FAM222A: variants seen among roughly 807,000 people sequenced by gnomAD.
FAM222A encodes family with sequence similarity 222 member A, also known as protein FAM222A.
Under a neutral mutation model 25.8 loss-of-function variants are expected in FAM222A, and 7 were observed. That is an observed-to-expected ratio of 0.27 (90% confidence interval 0.15 to 0.51). The LOEUF (loss-of-function observed/expected upper bound fraction) is 0.51, where lower values mean the gene tolerates loss of function less well. FAM222A is among the 20% of genes least tolerant of loss of function. The probability of loss-of-function intolerance (pLI) is 0.97; values close to 1 mark genes in which losing one functional copy is unlikely to be tolerated. For synonymous variants in FAM222A, 294 were observed against 298.8 expected, an observed-to-expected ratio of 0.98 and a Z score of 0.17; for missense variants, 573 against 640.5, an observed-to-expected ratio of 0.89 and a Z score of 1.14.
chr12:109,760,371 C>T (rs1888858883), intron 2 of FAM222A, among the ~76,000 whole-genome samples: 1 of 152,172 alleles, frequency 6.6e-6, no homozygotes, highest in Non-Finnish European at 1.5e-5. Flanking sequence ...AAAGAGGGCA[C>T]ATCAGTGTGA....
chr12:109,768,458 A>G lies in FAM222A; in HGVS notation c.529A>G (p.Thr177Ala). Residue 177 changes from threonine to alanine, a missense_variant, in exon 3 of 3, where the codon ACT (threonine) becomes GCT (alanine). Physicochemically the swap from Thr to Ala is moderately conservative, Grantham distance 58 (BLOSUM62 0). Coordinates refer to ENST00000538780, the MANE Select transcript of FAM222A (RefSeq NM_032829.3). ...APPPGLPAAA[T>A]AASVIPLPGR... ...ACCACCCGGCCTGCCCGCAGCCGCCACTGCCGCCTCCGTCATCCCCCTGCC... is the reference window on the plus strand; with the variant it reads ...ACCACCCGGCCTGCCCGCAGCCGCCGCTGCCGCCTCCGTCATCCCCCTGCC... The G allele has an allele frequency of 6.2e-7, 1 of 1,601,784 alleles. No individual in the cohort carries two copies. Among genetic ancestry groups the G allele is most frequent in the South Asian group, 1.1e-5 (1 of 90,946 alleles).
At chr12:109,727,326 A>C (rs1887862059) in intron 1 of FAM222A, among the ~76,000 whole-genome samples, 1 of 151,008 alleles carries the variant, frequency 6.6e-6, no homozygotes, top group Non-Finnish European at 1.5e-5. Context: ...TCGGAGGGGG[A>C]GGGGGTGCTG....
chr12:109,724,918 G>A (rs1232137385), intron 1 of FAM222A, among the ~76,000 whole-genome samples: 1 of 152,148 alleles, frequency 6.6e-6, no homozygotes, highest in Non-Finnish European at 1.5e-5. Context: ...CAGGCACTTG[G>A]CTTGCCAGGA....
At chr12:109,751,994 T>C (rs936588415) in intron 2 of FAM222A, among the ~76,000 whole-genome samples, 1 of 152,250 alleles carries the variant, frequency 6.6e-6, no homozygotes, top group Admixed American at 6.5e-5. Context: ...TTCTAGTCTC[T>C]CACTATTCTA....
At chr12:109,723,002 T>TGC (rs1887776266) in intron 1 of FAM222A, among the ~76,000 whole-genome samples, 1 of 61,818 alleles carries the variant, frequency 1.6e-5, no homozygotes, top group South Asian at 5.3e-4. Context: ...AGGGAGCGGG[T>TGC]GGGGGGGGGA....
intron 2 of FAM222A, among the ~76,000 whole-genome samples, chr12:109,758,931 G>T (rs1888810325): frequency 6.6e-6 from 1 of 152,202 alleles, no homozygotes; most frequent in South Asian, 2.1e-4. Flanking sequence ...GCAACGGCTT[G>T]AGAAAGAAAC....
intron 1 of FAM222A, among the ~76,000 whole-genome samples, chr12:109,733,551 ACG>A (rs1888001510): frequency 6.6e-6 from 1 of 151,994 alleles, no homozygotes; most frequent in Admixed American, 6.6e-5. Context: ...CTACAGGCAC[ACG>A]CCACCACGCC....
chr12:109,747,889 C>G (rs762468841), intron 2 of FAM222A, among the ~76,000 whole-genome samples: 57 of 152,246 alleles, frequency 3.7e-4, no homozygotes, highest in Non-Finnish European at 5.1e-4. Flanking sequence ...TTGTTTTATA[C>G]CTTAATTTCT....
At chr12:109,717,254 G>A (rs1887662525) in intron 1 of FAM222A, among the ~76,000 whole-genome samples, 1 of 152,178 alleles carries the variant, frequency 6.6e-6, no homozygotes, top group Admixed American at 6.5e-5. Flanking sequence ...TGGTCTGTCT[G>A]GTCCCCTCAC....
chr12:109,726,119 T>A (rs1156307868), intron 1 of FAM222A, among the ~76,000 whole-genome samples: 72 of 110,320 alleles, frequency 6.5e-4, no homozygotes, highest in Non-Finnish European at 7.0e-4. Context: ...AAAAAATTGC[T>A]AAAAAAAAAA....
chr12:109,739,338 G>A (rs1169078514), intron 1 of FAM222A, among the ~76,000 whole-genome samples: 1 of 152,238 alleles, frequency 6.6e-6, no homozygotes, highest in Non-Finnish European at 1.5e-5. Flanking sequence ...ATTTTTATTG[G>A]GAGGTCAGTT....
intron 2 of FAM222A, among the ~76,000 whole-genome samples, chr12:109,760,999 C>T (rs1888875638): frequency 6.6e-6 from 1 of 152,180 alleles, no homozygotes; most frequent in Non-Finnish European, 1.5e-5. Context: ...AACCCCACAA[C>T]CATGCCCCCA....
chr12:109,768,891 A>G lies in FAM222A; in HGVS notation c.962A>G (p.Tyr321Cys). The G allele has an allele frequency of 6.3e-7, 1 of 1,582,356 alleles. No homozygotes were observed. Among genetic ancestry groups the G allele is most frequent in the African/African-American group, 1.3e-5 (1 of 74,616 alleles). ...CCTGAGGCTTGCGGGGGCCGGGCAT[A>G]CGAGCGGGCCAGCGGGTCACCCCTC... ...KSPEACGGRA[Y>C]ERASGSPLNC... The change falls in exon 3 of 3, where the codon TAC becomes TGC. Residue 321 changes from tyrosine to cysteine, a missense_variant. Tyr to Cys is a radical substitution (Grantham distance 194). Coordinates refer to ENST00000538780, the MANE Select transcript of FAM222A (RefSeq NM_032829.3).
intron 1 of FAM222A, among the ~76,000 whole-genome samples, chr12:109,728,443 A>G (rs1306965828): frequency 1.3e-5 from 2 of 152,168 alleles, no homozygotes; most frequent in Non-Finnish European, 2.9e-5. Flanking sequence ...CACTATAGAC[A>G]CGGAGTCCCT....
chr12:109,744,313 G>A, intron 2 of FAM222A, 85 bp downstream of exon 2: 2 of 1,501,582 alleles, frequency 1.3e-6, no homozygotes, highest in African/African-American at 1.4e-5. Context: ...ACCTACCATG[G>A]CCCTGTCGGA....
intron 2 of FAM222A, among the ~76,000 whole-genome samples, chr12:109,765,700 C>T (rs576548758): frequency 6.6e-5 from 10 of 152,174 alleles, no homozygotes; most frequent in Non-Finnish European, 1.3e-4. Context: ...GTGTCAGGGA[C>T]GATGCTTTAG....
At chr12:109,721,474 G>A (rs1887744634) in intron 1 of FAM222A, among the ~76,000 whole-genome samples, 1 of 151,858 alleles carries the variant, frequency 6.6e-6, no homozygotes, top group Admixed American at 6.6e-5. Context: ...CCAATCAATT[G>A]CTGCCCTCTT....
chr12:109,741,438 C>T (rs1006899776), intron 1 of FAM222A, among the ~76,000 whole-genome samples: 6 of 152,200 alleles, frequency 3.9e-5, no homozygotes, highest in African/African-American at 1.4e-4. Context: ...CCCAGAACTG[C>T]CTGGCATCCA....
In FAM222A at chr12:109,769,252, C is replaced by G. The variant is rs1889170885; in HGVS notation, c.1323C>G (p.His441Gln). 1.2e-6 allele frequency: 2 copies of G among 1,611,456 alleles called. No individual in the cohort carries two copies. Among genetic ancestry groups the G allele is most frequent in the Non-Finnish European group, 1.7e-6 (2 of 1,179,474 alleles). ...TGGCCGTGCCCCGGCTACTCGACCA[C>G]CAGCATGCCCACATCCGCCTACCCG... ...ETVAVPRLLD[H>Q]QHAHIRLPVY... is the part of the protein sequence containing the mutation. The change falls in exon 3 of 3, where the codon CAC (histidine) becomes CAG (glutamine). Residue 441 changes from histidine (H) to glutamine (Q), a missense_variant. Transcript: ENST00000538780.
Sources: allele counts gnomAD v4.1 joint callset (sites outside exome capture counted in the v4.1 genomes callset), GRCh38; gene constraint gnomAD v4.1.1; transcripts MANE v1.5; gene names NCBI Gene and HGNC (gene_info 2026-07-23, HGNC 2026-07-21).